RHOU: variants seen among roughly 807,000 people sequenced by gnomAD.
RHOU encodes rho-related GTP-binding protein RhoU.
In RHOU, 8 loss-of-function variants were observed where a neutral mutation model predicts 12.6. The observed-to-expected ratio is 0.64, with a 90% CI of 0.37 to 1.15. The LOEUF is 1.15. Among genes scored for constraint, RHOU ranks in the 50% most tolerant of loss-of-function variants. RHOU has a pLI of 0.01. For synonymous variants in RHOU, 161 were observed against 147.4 expected (o/e 1.09, Z -0.67); for missense variants, 258 against 347.0 (o/e 0.74, Z 2.04).
At chr1:228,678,008 A>T in the RHOU span, among the ~76,000 whole-genome samples, 1 of 152,124 alleles carries the variant, frequency 6.6e-6, no homozygotes, top group Non-Finnish European at 1.5e-5. Flanking sequence ...CCAGACCAAG[A>T]GGTATTTTAG....
chr1:228,661,044 GACAA>G, the RHOU span, among the ~76,000 whole-genome samples: 7 of 151,446 alleles, frequency 4.6e-5, no homozygotes, highest in Non-Finnish European at 1.0e-4. Flanking sequence ...ACCAATAACA[GACAA>G]ACAGAGAGCC....
chr1:228,655,682 C>T, the RHOU span, among the ~76,000 whole-genome samples: 1 of 152,174 alleles, frequency 6.6e-6, no homozygotes, highest in African/African-American at 2.4e-5. Flanking sequence ...ACTAACAGCT[C>T]AGGACAGGTA....
the RHOU span, among the ~76,000 whole-genome samples, chr1:228,716,053 C>T: frequency 1.3e-5 from 2 of 151,962 alleles, no homozygotes; most frequent in Admixed American, 1.3e-4. Context: ...GCTGGGACTA[C>T]AGGTGTGCAC....
rs767444916 is a variant in RHOU at position 228,737,673 on chromosome 1, C to T, written c.263C>T (p.Ala88Val). 8 of 1,613,908 alleles carry T rather than the reference C, an allele frequency of 5.0e-6. No individual in the cohort carries two copies. Among genetic ancestry groups the T allele is most frequent in the African/African-American group, 2.7e-5 (2 of 74,900 alleles). The stretch of plus-strand genomic sequence containing the variant: ...TTGTCATTTTGGTTTTGTTTTTAAG[C>T]GGTGGTGTCTGTGGATGGGCGGCCC... Reference protein sequence around the residue: ...YIPTAFDNFSAVVSVDGRPVR... With the variant: ...YIPTAFDNFSVVVSVDGRPVR... The change falls in exon 2 of 3, where the codon GCG (alanine) becomes GTG (valine). Residue 88 changes from alanine to valine, a missense_variant and splice_region_variant. Physicochemically the swap from Ala to Val is moderately conservative, Grantham distance 64 (BLOSUM62 0). Transcript: ENST00000366691. This position sits in a 1 kb window ranked among gnomAD's most constrained non-coding sequence, Gnocchi z 4.1.
At chr1:228,675,938 A>G in the RHOU span, among the ~76,000 whole-genome samples, 1 of 149,184 alleles carries the variant, frequency 6.7e-6, no homozygotes, top group Non-Finnish European at 1.5e-5. Context: ...AAGTTTTCAG[A>G]AAAAAAAAAG....
At position 228,744,696 on chromosome 1, in the gene RHOU, A is replaced by G. The variant is rs1662792556; in HGVS notation, c.*956A>G. ...ACAGCAAGTGTTTGTGGGACACAAC[A>G]CAGATAATTTTTTCTTAAGTCGGCC... On this transcript the variant is annotated 3_prime_UTR_variant, in exon 3 of 3. Transcript: ENST00000366691. The G allele has an allele frequency of 6.6e-6, 1 of 152,218 alleles. No individual in the cohort carries two copies. The highest frequency in any genetic ancestry group is 1.5e-5 in the Non-Finnish European group (1 of 68,042). 9.4% of individuals were successfully genotyped at this position (152,218 alleles called of 1,614,324 possible).
chr1:228,737,576 G>A lies in RHOU; in HGVS notation c.263-97G>A. 8.5e-7 allele frequency: 1 copy of A among 1,176,400 alleles called. No homozygotes were observed. Among genetic ancestry groups the A allele is most frequent in the South Asian group, 1.2e-5 (1 of 80,374 alleles). The allele number at this position is 1,176,400 out of a possible 1,614,324, so 72.9% of individuals were successfully genotyped here. On this transcript the variant is annotated intron_variant, in intron 1 of 2. Transcript: ENST00000366691. The surrounding 1 kb of genome is among the most constrained non-coding windows in gnomAD (Gnocchi z 4.1). ...AGAGGACCTAAAATAGGAGCAAAGG[G>A]GTTTGGAGTGAGAATGATAGTGAAA...
Position 228,738,643 on chromosome 1 carries a change from G to A in RHOU, c.321+912G>A, listed in dbSNP as rs1662662118. Reference sequence around the variant, plus strand: ...GCCCCCCAGAGCCTCATCTACGCCAGAGCTTCCAAGTTGCTCACCTACTCT... The same window carrying A: ...GCCCCCCAGAGCCTCATCTACGCCAAAGCTTCCAAGTTGCTCACCTACTCT... On this transcript the variant is annotated intron_variant, in intron 2 of 2. Transcript: ENST00000366691. The surrounding 1 kb of genome is among the most constrained non-coding windows in gnomAD (Gnocchi z 4.2). Among the ~76,000 whole-genome samples, 1 of 152,198 alleles carries A rather than the reference G, an allele frequency of 6.6e-6. No homozygotes were observed. Among genetic ancestry groups the A allele is most frequent in the African/African-American group, 2.4e-5 (1 of 41,456 alleles).
the RHOU span, chr1:228,650,650 G>T: frequency 2.1e-6 from 1 of 472,040 alleles, no homozygotes; most frequent in Admixed American, 2.8e-5. Context: ...TTGCATGGAT[G>T]TAAAACTCGT....
rs1174029766 is a variant in RHOU at position 228,735,849 on chromosome 1, CG to C, written c.113del (p.Gly38AlafsTer30). ...GGRGGRGPGE[P>X]GGRGRAGGAE... ...CGCGGGGGACGCGGGCCTGGGGAGC[CG>C]GGGGGCCGGGGGCGTGCGGGGGGTG... is the stretch of plus-strand genomic sequence containing the variant. On this transcript the variant is annotated frameshift_variant, in exon 1 of 3. Transcript: ENST00000366691. LOFTEE classifies it high-confidence loss of function. This position sits in a 1 kb window ranked among gnomAD's most constrained non-coding sequence, Gnocchi z 8.1. 5.5e-6 allele frequency: 7 copies of C among 1,272,954 alleles called. No individual in the cohort carries two copies. The South Asian group carries it at 6.8e-5, about 12-fold the overall frequency. The allele number at this position is 1,272,954 out of a possible 1,614,324, so 78.9% of individuals were successfully genotyped here. A position where few individuals can be genotyped will look rare whatever the true frequency, so the allele number is the denominator to read the frequency against.
chr1:228,646,973 A>G, the RHOU span, among the ~76,000 whole-genome samples: 2 of 152,070 alleles, frequency 1.3e-5, no homozygotes, highest in East Asian at 2.0e-4. Flanking sequence ...AGGGAGAAGT[A>G]CAGAGGTACA....
chr1:228,722,916 CG>C, the RHOU span, among the ~76,000 whole-genome samples: 3 of 152,182 alleles, frequency 2.0e-5, no homozygotes, highest in African/African-American at 7.2e-5. Context: ...CCACCATTCC[CG>C]GCCCCGGCCT....
intron 2 of RHOU, among the ~76,000 whole-genome samples, chr1:228,742,665 C>G (rs1270452570): frequency 6.6e-6 from 1 of 152,222 alleles, no homozygotes; most frequent in Non-Finnish European, 1.5e-5. Context: ...AATGGACTGA[C>G]AAAGGTCCTC....
chr1:228,679,462 T>C, the RHOU span, among the ~76,000 whole-genome samples: 1 of 148,056 alleles, frequency 6.8e-6, no homozygotes, highest in Non-Finnish European at 1.5e-5. Context: ...GTCAGCTAGG[T>C]TTATCTAGAA....
At position 228,744,640 on chromosome 1, in the gene RHOU, C is replaced by G. The variant is rs1340217891; in HGVS notation, c.*900C>G. 6.6e-6 allele frequency: 1 copy of G among 152,182 alleles called. No individual in the cohort carries two copies. 9.4% of individuals were successfully genotyped at this position (152,182 alleles called of 1,614,324 possible). Reference sequence around the variant, plus strand: ...AACCTCCATACTCAAGCTGTCTCTTCGGCAGGGAGGTGAATACTCTTGAAA... The same window carrying G: ...AACCTCCATACTCAAGCTGTCTCTTGGGCAGGGAGGTGAATACTCTTGAAA... On this transcript the variant is annotated 3_prime_UTR_variant, in exon 3 of 3. Transcript: ENST00000366691.
At chr1:228,701,420 T>C in the RHOU span, among the ~76,000 whole-genome samples, 4 of 152,150 alleles carry the variant, frequency 2.6e-5, 1 homozygote, top group Admixed American at 1.3e-4. Flanking sequence ...TATCTCTCCT[T>C]TTCTCCTCTT....
the RHOU span, among the ~76,000 whole-genome samples, chr1:228,682,894 G>A: frequency 2.6e-5 from 4 of 152,164 alleles, no homozygotes; most frequent in African/African-American, 9.7e-5. Flanking sequence ...ACACAGAGAG[G>A]TTGAGTCAGA....
At chr1:228,678,978 A>G in the RHOU span, among the ~76,000 whole-genome samples, 2 of 151,848 alleles carry the variant, frequency 1.3e-5, no homozygotes, top group African/African-American at 4.8e-5. Context: ...AAGAATTCCA[A>G]CCACATAGCC....
chr1:228,709,822 A>T, the RHOU span, among the ~76,000 whole-genome samples: 1 of 152,162 alleles, frequency 6.6e-6, no homozygotes, highest in Admixed American at 6.5e-5. Flanking sequence ...AGCAGAACTG[A>T]AGGAAATAGA....
Sources: gnomAD v4.1 joint callset for allele counts (sites outside exome capture counted in the v4.1 genomes callset) on GRCh38, gnomAD v4.1.1 for gene constraint, Gnocchi (gnomAD v3.1) non-coding constraint, MANE v1.5 for transcripts, NCBI Gene and HGNC (gene_info 2026-07-23, HGNC 2026-07-21) for gene names.